The following THSD7A variants were observed in gnomAD, a reference collection of about 807,000 sequenced individuals.
The protein encoded by THSD7A is thrombospondin type-1 domain-containing protein 7A.
Under a neutral mutation model 231.3 loss-of-function variants are expected in THSD7A, and 96 were observed. The observed-to-expected ratio is 0.41, with a 90% CI of 0.35 to 0.49. The LOEUF (loss-of-function observed/expected upper bound fraction) is 0.49, where lower values mean the gene tolerates loss of function less well. THSD7A is among the 20% of genes least tolerant of loss of function. The pLI is 0.05. For synonymous variants in THSD7A, 940 were observed against 743.3 expected (o/e 1.26, Z -4.30); for missense variants, 2,290 against 2,070.2 (o/e 1.11, Z -2.06).
In THSD7A at chr7:11,490,405, T is replaced by C. The variant is rs1786840189; in HGVS notation, c.1823-8423A>G. 5.9e-5 allele frequency among the ~76,000 whole-genome samples: 9 copies of C among 152,188 alleles called. 1 individual carries two copies. The South Asian group carries it at 1.9e-3, about 32-fold the overall frequency. ...TAGGCAAACAAATTTTATTAAAACA[T>C]CTATGACTTCCCTTCCTAATAACTC... On this transcript the variant is annotated intron_variant, in intron 6 of 27. Coordinates refer to ENST00000423059, the MANE Select transcript of THSD7A (RefSeq NM_015204.3).
At chr7:11,597,478 G>A (rs918352141) in intron 2 of THSD7A, among the ~76,000 whole-genome samples, 1 of 152,122 alleles carries the variant, frequency 6.6e-6, no homozygotes, top group African/African-American at 2.4e-5. Flanking sequence ...TAGGCCATAC[G>A]ACCCCCCATA....
chr7:11,468,621 G>T (rs903286888), intron 9 of THSD7A, among the ~76,000 whole-genome samples: 1 of 152,030 alleles, frequency 6.6e-6, no homozygotes, highest in Non-Finnish European at 1.5e-5. Context: ...ATCACTTGAG[G>T]CCAGGAGTTC....
intron 6 of THSD7A, among the ~76,000 whole-genome samples, chr7:11,527,289 C>G: frequency 6.6e-6 from 1 of 152,018 alleles, no homozygotes; most frequent in Admixed American, 6.6e-5. Context: ...CTATCATGAT[C>G]TCAGCAGCTA....
intron 17 of THSD7A, among the ~76,000 whole-genome samples, chr7:11,415,965 A>C (rs2115394404): frequency 6.6e-6 from 1 of 152,264 alleles, no homozygotes; most frequent in African/African-American, 2.4e-5. Flanking sequence ...GCAGTGCTGG[A>C]GTCTCTCTGA....
At chr7:11,629,779 T>C (rs1170167693) in intron 2 of THSD7A, among the ~76,000 whole-genome samples, 1 of 152,174 alleles carries the variant, frequency 6.6e-6, no homozygotes, top group African/African-American at 2.4e-5. Context: ...ATGTTGAAAA[T>C]TAATTAACTC....
At chr7:11,625,206 T>G (rs74996635) in intron 2 of THSD7A, among the ~76,000 whole-genome samples, 1 of 152,132 alleles carries the variant, frequency 6.6e-6, no homozygotes, top group Non-Finnish European at 1.5e-5. Context: ...TGTAGTCTTT[T>G]GAAATCTTAA....
intron 1 of THSD7A, among the ~76,000 whole-genome samples, chr7:11,805,749 C>CA (rs1784383360): frequency 6.6e-6 from 1 of 151,970 alleles, no homozygotes. Context: ...TTTTAAACAT[C>CA]AAAAACCACA....
At position 11,637,471 on chromosome 7, in the gene THSD7A, C is replaced by A. The variant is rs1462614813; in HGVS notation, c.191-510G>T. Among the ~76,000 whole-genome samples, 1 of 152,102 alleles carries A rather than the reference C, an allele frequency of 6.6e-6. No individual in the cohort carries two copies. Among genetic ancestry groups the A allele is most frequent in the Non-Finnish European group, 1.5e-5 (1 of 68,024 alleles). Reference sequence around the variant, plus strand: ...TTTCATAGACTATGACTGCAAGGGTCTAATAGTTGTATATCATGTGTGCCA... The same window carrying A: ...TTTCATAGACTATGACTGCAAGGGTATAATAGTTGTATATCATGTGTGCCA... On this transcript the variant is annotated intron_variant, in intron 1 of 27. Coordinates refer to ENST00000423059, the MANE Select transcript of THSD7A (RefSeq NM_015204.3). The surrounding 1 kb of genome is among the most constrained non-coding windows in gnomAD (Gnocchi z 4.2).
chr7:11,486,192 G>C (rs1786649000), intron 6 of THSD7A, among the ~76,000 whole-genome samples: 1 of 152,088 alleles, frequency 6.6e-6, no homozygotes, highest in African/African-American at 2.4e-5. Context: ...CTACTCTTAA[G>C]GTCTTACAAG....
intron 1 of THSD7A, among the ~76,000 whole-genome samples, chr7:11,779,558 G>A (rs1783555898): frequency 6.6e-6 from 1 of 152,110 alleles, no homozygotes; most frequent in African/African-American, 2.4e-5. Flanking sequence ...TTGAGCAGAG[G>A]CAAAAATCCT....
At chr7:11,423,851 C>T (rs1784231839) in intron 16 of THSD7A, among the ~76,000 whole-genome samples, 1 of 151,912 alleles carries the variant, frequency 6.6e-6, no homozygotes, top group African/African-American at 2.4e-5. Context: ...GTTCTAGAGC[C>T]CTTAAGGATC....
Position 11,411,994 on chromosome 7 carries a change from C to T in THSD7A, c.3682+662G>A, listed in dbSNP as rs1783803330. 6.6e-6 allele frequency among the ~76,000 whole-genome samples: 1 copy of T among 151,878 alleles called. No individual in the cohort carries two copies. Among genetic ancestry groups the T allele is most frequent in the East Asian group, 1.9e-4 (1 of 5,180 alleles). ...ACTGTTATGTGTCATTGTACAGTTTCTTGAGTTTGTTGCAGAGTGAAAATT... is the reference window on the plus strand; with the variant it reads ...ACTGTTATGTGTCATTGTACAGTTTTTTGAGTTTGTTGCAGAGTGAAAATT... On this transcript the variant is annotated intron_variant, in intron 18 of 27. Coordinates refer to ENST00000423059, the MANE Select transcript of THSD7A (RefSeq NM_015204.3). This position sits in a 1 kb window ranked among gnomAD's most constrained non-coding sequence, Gnocchi z 4.1.
chr7:11,829,813 A>T (rs1187475872), intron 1 of THSD7A, among the ~76,000 whole-genome samples: 1 of 152,134 alleles, frequency 6.6e-6, no homozygotes, highest in Non-Finnish European at 1.5e-5. Context: ...AAAAAAAAAA[A>T]AATAAAGAAG....
intron 1 of THSD7A, among the ~76,000 whole-genome samples, chr7:11,736,960 G>C (rs1035213670): frequency 6.6e-6 from 1 of 151,894 alleles, no homozygotes; most frequent in African/African-American, 2.4e-5. Context: ...TTTTATAAAA[G>C]ACTTCCTCCT....
At chr7:11,483,309 A>G (rs1231028924) in intron 6 of THSD7A, among the ~76,000 whole-genome samples, 1 of 152,232 alleles carries the variant, frequency 6.6e-6, no homozygotes, top group Non-Finnish European at 1.5e-5. Flanking sequence ...CAGAGCCTTT[A>G]ATCATGAGAC....
chr7:11,465,239 T>G (rs538597431), intron 9 of THSD7A, among the ~76,000 whole-genome samples: 47 of 152,266 alleles, frequency 3.1e-4, no homozygotes, highest in Non-Finnish European at 5.4e-4. Flanking sequence ...TTCTTTCCAC[T>G]TATTCCTTTA....
chr7:11,797,412 CT>C (rs59662790), intron 1 of THSD7A, among the ~76,000 whole-genome samples: 4,095 of 108,788 alleles, frequency 0.038, 176 homozygotes, highest in African/African-American at 0.13. Context: ...CTGCCTCTCT[CT>C]TTTTTTTTTT....
intron 1 of THSD7A, among the ~76,000 whole-genome samples, chr7:11,717,711 C>T (rs1222048349): frequency 6.6e-6 from 1 of 151,634 alleles, no homozygotes; most frequent in Non-Finnish European, 1.5e-5. Flanking sequence ...CATAAAACAA[C>T]TGCTTCTACA....
chr7:11,657,773 T>C (rs1179847508), intron 1 of THSD7A, among the ~76,000 whole-genome samples: 1 of 151,858 alleles, frequency 6.6e-6, no homozygotes, highest in Admixed American at 6.6e-5. Flanking sequence ...AATATAGTTA[T>C]GAAAGCACTT....
Sources: allele counts gnomAD v4.1 joint callset (sites outside exome capture counted in the v4.1 genomes callset), GRCh38; gene constraint gnomAD v4.1.1; non-coding constraint Gnocchi (gnomAD v3.1); transcripts MANE v1.5; gene names NCBI Gene and HGNC (gene_info 2026-07-23, HGNC 2026-07-21).